Variants in MED30 observed in about 807,000 individuals in gnomAD.
MED30 encodes mediator complex subunit 30.
A neutral mutation model predicts 21.7 loss-of-function variants in MED30; 8 were observed. That is an observed-to-expected ratio of 0.37 (90% confidence interval 0.22 to 0.67). The LOEUF is 0.67. Among genes scored for constraint, MED30 ranks in the 30% least tolerant of loss-of-function variants. The pLI is 0.58. For synonymous variants in MED30, 79 were observed against 86.7 expected, an observed-to-expected ratio of 0.91 and a Z score of 0.49; for missense variants, 203 against 228.2, an observed-to-expected ratio of 0.89 and a Z score of 0.71.
In MED30 at chr8:117,528,788, G is replaced by A. The variant is rs1818756430; in HGVS notation, c.315G>A (p.Gly105=). The A allele has an allele frequency of 6.2e-7, 1 of 1,604,414 alleles. No homozygotes were observed. The highest frequency in any genetic ancestry group is 1.3e-5 in the African/African-American group (1 of 74,444). ...VYDKCNENCG[G]MDPIPVEQLI... is the part of the protein sequence containing the mutation. ...ACAAATGCAATGAAAACTGTGGTGG[G>A]ATGGATCCCATTCCAGTCGAGGTAA... Residue 105 remains glycine (G), a synonymous_variant, in exon 2 of 4, where the codon GGG becomes GGA. Transcript: ENST00000297347.
intron 1 of MED30, among the ~76,000 whole-genome samples, chr8:117,522,243 G>A (rs944281321): frequency 7.2e-5 from 11 of 152,190 alleles, no homozygotes; most frequent in Non-Finnish European, 1.0e-4. Context: ...TCATACCTAA[G>A]AAATCTTTGC....
intron 1 of MED30, among the ~76,000 whole-genome samples, chr8:117,524,354 A>G (rs946710784): frequency 3.3e-5 from 5 of 152,244 alleles, no homozygotes; most frequent in Non-Finnish European, 5.9e-5. Flanking sequence ...AGTGCTGTGA[A>G]TACAAACTGC....
chr8:117,530,944 G>A (rs1046420362), intron 3 of MED30, 117 bp downstream of exon 3: 16 of 724,872 alleles, frequency 2.2e-5, no homozygotes, highest in Middle Eastern at 2.6e-4. Context: ...TTGTTTCTGC[G>A]GCAAACTTCA....
At chr8:117,525,339 CTGTCT>C (rs1818702400) in intron 1 of MED30, among the ~76,000 whole-genome samples, 1 of 147,148 alleles carries the variant, frequency 6.8e-6, no homozygotes, top group African/African-American at 2.5e-5. Flanking sequence ...ACCCATTTGT[CTGTCT>C]TTTTTTTTTT....
chr8:117,523,556 A>T, intron 1 of MED30: 1 of 1,601,320 alleles, frequency 6.2e-7, no homozygotes, highest in East Asian at 2.2e-5. Flanking sequence ...GTAAGGTACC[A>T]GTAGAAATGT....
intron 3 of MED30, among the ~76,000 whole-genome samples, chr8:117,531,036 C>T (rs1319562484): frequency 6.6e-6 from 1 of 151,982 alleles, no homozygotes; most frequent in Non-Finnish European, 1.5e-5. Context: ...AAAATTCATT[C>T]GATAAAGCTC....
chr8:117,534,195 C>G (rs1259791146), intron 3 of MED30, among the ~76,000 whole-genome samples: 6 of 151,548 alleles, frequency 4.0e-5, no homozygotes, highest in African/African-American at 1.5e-4. Context: ...TGGCATCCCT[C>G]TTGCATGCCC....
intron 1 of MED30, among the ~76,000 whole-genome samples, chr8:117,521,564 T>C (rs1042678927): frequency 1.3e-5 from 2 of 152,332 alleles, no homozygotes; most frequent in Admixed American, 6.5e-5. Flanking sequence ...GTACACATCA[T>C]CCCAGAAAGT....
Position 117,528,712 on chromosome 8 carries a change from A to G in MED30, c.239A>G (p.Asp80Gly). 1 of 1,611,220 alleles carries G rather than the reference A, an allele frequency of 6.2e-7. No individual in the cohort carries two copies. Among genetic ancestry groups the G allele is most frequent in the Non-Finnish European group, 8.5e-7 (1 of 1,178,496 alleles). The change falls in exon 2 of 4, where the codon GAT becomes GGT. Residue 80 changes from aspartate to glycine, a missense_variant. Coordinates refer to ENST00000297347, the MANE Select transcript of MED30 (RefSeq NM_080651.4). ...TYQDRLTKLQ[D>G]NLRQLSVLFR... is the part of the protein sequence containing the mutation. ...CAAGACCGGTTAACAAAGCTACAGG[A>G]TAATCTTCGCCAACTTTCAGTTCTC...
chr8:117,527,383 A>G (rs1255578510), intron 1 of MED30, among the ~76,000 whole-genome samples: 2 of 151,938 alleles, frequency 1.3e-5, no homozygotes, highest in South Asian at 4.1e-4. Flanking sequence ...AGAATTTCTG[A>G]AACTCCTAAT....
intron 3 of MED30, among the ~76,000 whole-genome samples, chr8:117,536,446 G>C (rs547668910): frequency 6.6e-6 from 1 of 152,238 alleles, no homozygotes; most frequent in Non-Finnish European, 1.5e-5. Flanking sequence ...CCTAAAATAA[G>C]TAGATTTATA....
intron 3 of MED30, among the ~76,000 whole-genome samples, chr8:117,539,349 G>T (rs1245287431): frequency 6.6e-6 from 1 of 152,146 alleles, no homozygotes; most frequent in Non-Finnish European, 1.5e-5. Context: ...AACTAGATGG[G>T]TGTGGTGGCT....
chr8:117,530,070 C>T (rs1818773047), intron 2 of MED30, among the ~76,000 whole-genome samples: 1 of 152,004 alleles, frequency 6.6e-6, no homozygotes, highest in Non-Finnish European at 1.5e-5. Flanking sequence ...GTCTGCCACA[C>T]TTATGCGGTA....
In MED30 at chr8:117,520,776, T is replaced by C; in HGVS notation, c.-101T>C. ...TTGAAATCGGGCCGCGGGGGGTCTC[T>C]CAAGCTGGTTCCAACGCTGAGGCCC... On this transcript the variant is annotated 5_prime_UTR_variant, in exon 1 of 4. Transcript: ENST00000297347. The C allele has an allele frequency of 7.9e-7, 1 of 1,264,144 alleles. No individual in the cohort carries two copies. The highest frequency in any genetic ancestry group is 1.1e-6 in the Non-Finnish European group (1 of 945,332). The allele number at this position is 1,264,144 out of a possible 1,614,324, so 78.3% of individuals were successfully genotyped here. A position where few individuals can be genotyped will look rare whatever the true frequency, so the allele number is the denominator to read the frequency against.
rs149544434 is a variant in MED30, at chr8:117,528,818, T to C, written c.336+9T>C. ...ATCCCATTCCAGTCGAGGTAATTTT[T>C]TGTGATAGAGGGAGGATGAATATAA... On this transcript the variant is annotated intron_variant, in intron 2 of 3. Coordinates refer to ENST00000297347, the MANE Select transcript of MED30 (RefSeq NM_080651.4). 2,140 of 1,590,218 alleles carry C rather than the reference T, an allele frequency of 1.3e-3. 21 individuals carry two copies. The East Asian group carries it at 0.019, about 14-fold the overall frequency.
intron 3 of MED30, among the ~76,000 whole-genome samples, chr8:117,535,295 A>G (rs1434969186): frequency 7.3e-6 from 1 of 137,010 alleles, no homozygotes; most frequent in Non-Finnish European, 1.5e-5. Flanking sequence ...CCCAGGCTGG[A>G]GTGCAGTGGC....
Position 117,534,968 on chromosome 8 carries a change from T to A in MED30, c.441+4141T>A, listed in dbSNP as rs920804233. ...GAATAATCTTACCTACAGTTAACCC[T>A]AGCTACTGACATAGAGTTTTGTGGA... On this transcript the variant is annotated intron_variant, in intron 3 of 3. Transcript: ENST00000297347. Among the ~76,000 whole-genome samples the A allele has an allele frequency of 2.0e-5, 3 of 151,166 alleles. No homozygotes were observed. In the East Asian group the frequency reaches 5.9e-4, roughly 30 times the overall value.
intron 1 of MED30, among the ~76,000 whole-genome samples, chr8:117,528,216 T>A (rs191707035): frequency 1.3e-5 from 2 of 152,028 alleles, no homozygotes; most frequent in Non-Finnish European, 2.9e-5. Context: ...ATTTTTGCAA[T>A]ACCAGCCATA....
chr8:117,533,337 G>A (rs112981067), intron 3 of MED30, among the ~76,000 whole-genome samples: 1,671 of 152,024 alleles, frequency 0.011, 20 homozygotes, highest in African/African-American at 0.034. Flanking sequence ...AGAGTTTTGT[G>A]GATTTTAAGT....
Sources: allele counts gnomAD v4.1 joint callset (sites outside exome capture counted in the v4.1 genomes callset), GRCh38; gene constraint gnomAD v4.1.1; transcripts MANE v1.5; gene names NCBI Gene and HGNC (gene_info 2026-07-23, HGNC 2026-07-21).